The following MME variants were observed in gnomAD, a reference collection of about 807,000 sequenced individuals.
The protein encoded by MME is neprilysin.
Under a neutral mutation model 113.2 loss-of-function variants are expected in MME, and 98 were observed. That is an observed-to-expected ratio of 0.87 (90% CI 0.74 to 1.02). The LOEUF (loss-of-function observed/expected upper bound fraction) is 1.02, where lower values mean the gene tolerates loss of function less well. Ranked by LOEUF, MME falls within the 50% of genes least tolerant of loss-of-function variation. MME has a pLI of 0.00. For missense variants in MME, 836 were observed against 896.0 expected (o/e 0.93, Z 0.86); for synonymous variants, 292 against 300.6 (o/e 0.97, Z 0.30).
chr3:155,162,353 A>T (rs887995028), intron 17 of MME, among the ~76,000 whole-genome samples: 1 of 152,176 alleles, frequency 6.6e-6, no homozygotes, highest in Non-Finnish European at 1.5e-5. Context: ...TTTCATTTTG[A>T]GTATAATGTC....
Position 155,115,036 on chromosome 3 carries a change from G to C in MME, c.239G>C (p.Cys80Ser), listed in dbSNP as rs754813027. 2.5e-6 allele frequency: 4 copies of C among 1,613,946 alleles called. No homozygotes were observed. Among genetic ancestry groups the C allele is most frequent in the Non-Finnish European group, 3.4e-6 (4 of 1,180,008 alleles). The part of the protein sequence containing the change: ...IQNMDATTEP[C>S]TDFFKYACGG... ...AACATGGATGCCACCACTGAGCCTT[G>C]TACAGACTTTTTCAAATATGCTTGC... is the stretch of plus-strand genomic sequence containing the variant. The change falls in exon 4 of 23, where the codon TGT becomes TCT. Residue 80 changes from cysteine (C) to serine (S), a missense_variant. By Grantham distance (112) the Cys-to-Ser change is moderately radical. Coordinates refer to ENST00000360490, the MANE Select transcript of MME (RefSeq NM_007289.4).
intron 17 of MME, among the ~76,000 whole-genome samples, chr3:155,166,036 C>T (rs1723068925): frequency 6.6e-6 from 1 of 152,160 alleles, no homozygotes. Context: ...ATTCACTAAA[C>T]TCTGTAGGAC....
At chr3:155,034,962 A>G (rs1270284597) in intron 1 of MME, among the ~76,000 whole-genome samples, 1 of 152,200 alleles carries the variant, frequency 6.6e-6, no homozygotes, top group Non-Finnish European at 1.5e-5. Flanking sequence ...TCAGTGAGAA[A>G]GCCACAATGG....
chr3:155,150,171 T>C (rs1043526934), intron 16 of MME, among the ~76,000 whole-genome samples: 1 of 152,210 alleles, frequency 6.6e-6, no homozygotes, highest in Non-Finnish European at 1.5e-5. Flanking sequence ...ATTTCTGAAA[T>C]GGCCAAATTA....
At position 155,172,144 on chromosome 3, in the gene MME, G is replaced by C. The variant is rs1712035056; in HGVS notation, c.2008G>C (p.Gly670Arg). 2.5e-6 allele frequency: 4 copies of C among 1,608,828 alleles called. No homozygotes were observed. In the South Asian group the frequency reaches 3.3e-5, roughly 13 times the overall value. The change falls in exon 21 of 23, where the codon GGC (glycine) becomes CGC (arginine). Residue 670 changes from glycine (G) to arginine (R), a missense_variant. Physicochemically the swap from Gly to Arg is moderately radical, Grantham distance 125. Transcript: ENST00000360490. ...RAYQNYIKKNGEEKLLPGLDL... is the reference protein window; with the variant it reads ...RAYQNYIKKNREEKLLPGLDL... Reference sequence around the variant, plus strand: ...CTATCAGAATTATATTAAAAAGAATGGCGAAGAAAAATTACTTCCTGGACT... The same window carrying C: ...CTATCAGAATTATATTAAAAAGAATCGCGAAGAAAAATTACTTCCTGGACT...
chr3:155,157,004 T>G (rs991239745), intron 16 of MME, among the ~76,000 whole-genome samples: 1 of 152,036 alleles, frequency 6.6e-6, no homozygotes, highest in Admixed American at 6.6e-5. Context: ...TCTGCACACT[T>G]TCATCAGCAC....
At chr3:155,038,586 G>A (rs1032808262) in intron 1 of MME, among the ~76,000 whole-genome samples, 2 of 152,188 alleles carry the variant, frequency 1.3e-5, no homozygotes, top group African/African-American at 2.4e-5. Context: ...CACTCATGAT[G>A]TGGTTAATGT....
At chr3:155,113,400 C>T (rs1718346397) in intron 3 of MME, among the ~76,000 whole-genome samples, 1 of 152,208 alleles carries the variant, frequency 6.6e-6, no homozygotes, top group Admixed American at 6.5e-5. Context: ...CTGCTTTAGC[C>T]TCCTGAGTAG....
At chr3:155,085,003 T>C (rs572236471) in intron 2 of MME, 56 bp from the exon 3 acceptor site, 5 of 1,258,940 alleles carry the variant, frequency 4.0e-6, no homozygotes, top group Middle Eastern at 3.9e-4. Flanking sequence ...AAAAGAAAAA[T>C]AGAAATTTAA....
intron 1 of MME, among the ~76,000 whole-genome samples, chr3:155,082,123 T>C (rs1363461751): frequency 6.6e-6 from 1 of 152,160 alleles, no homozygotes; most frequent in East Asian, 1.9e-4. Context: ...GAAATGCTTA[T>C]CCACTAGCTT....
At chr3:155,138,063 G>T in intron 8 of MME, 39 bp from the exon 9 acceptor site, 1 of 1,609,228 alleles carries the variant, frequency 6.2e-7, no homozygotes, top group South Asian at 1.1e-5. Flanking sequence ...TGAATATTTA[G>T]AGCTACTCCA....
Position 155,100,281 on chromosome 3 carries a change from T to G in MME, c.197-14713T>G, listed in dbSNP as rs760774949. Reference sequence around the variant, plus strand: ...CTTCTCAAAAGAAGACATTTATGCATCCGACAGACACATGAAAAAATGCTC... The same window carrying G: ...CTTCTCAAAAGAAGACATTTATGCAGCCGACAGACACATGAAAAAATGCTC... On this transcript the variant is annotated intron_variant, in intron 3 of 22. Coordinates refer to ENST00000360490, the MANE Select transcript of MME (RefSeq NM_007289.4). Among the ~76,000 whole-genome samples the G allele has an allele frequency of 9.7e-4, 148 of 152,114 alleles. 1 individual carries two copies. Among genetic ancestry groups the G allele is most frequent in the Admixed American group, 1.5e-3 (23 of 15,276 alleles).
intron 8 of MME, among the ~76,000 whole-genome samples, chr3:155,132,118 T>C (rs1720190088): frequency 1.3e-5 from 2 of 152,168 alleles, no homozygotes; most frequent in Non-Finnish European, 2.9e-5. Flanking sequence ...CCCTGATCCA[T>C]AGGTAGTTGG....
rs201234060 is a variant in MME, at chr3:155,121,392, A to T, written c.720+2581A>T. On this transcript the variant is annotated intron_variant, in intron 8 of 22. Transcript: ENST00000360490. ...GACAATTTGACTTCCTCTTTTCCTA[A>T]TTGGATACCCTTTATTTCCTTCTCT... Among the ~76,000 whole-genome samples, 262 of 151,398 alleles carry T rather than the reference A, an allele frequency of 1.7e-3. 7 individuals are homozygous for T. The East Asian group carries it at 0.047, about 27-fold the overall frequency.
At chr3:155,097,760 A>G (rs1053066371) in intron 3 of MME, among the ~76,000 whole-genome samples, 3 of 152,204 alleles carry the variant, frequency 2.0e-5, no homozygotes, top group African/African-American at 7.2e-5. Context: ...GAAGTAACAA[A>G]CAAAAATCTC....
intron 17 of MME, among the ~76,000 whole-genome samples, chr3:155,165,005 G>A (rs1445265483): frequency 1.3e-5 from 2 of 152,100 alleles, no homozygotes; most frequent in Non-Finnish European, 1.5e-5. Context: ...GAAAGACAAA[G>A]AAATAACATG....
chr3:155,152,432 C>T (rs964614566), intron 16 of MME, among the ~76,000 whole-genome samples: 1 of 152,138 alleles, frequency 6.6e-6, no homozygotes, highest in Admixed American at 6.6e-5. Context: ...GTCACCAGAG[C>T]TTAAACACTA....
intron 8 of MME, among the ~76,000 whole-genome samples, chr3:155,137,867 AT>A (rs1411508509): frequency 3.3e-5 from 5 of 152,202 alleles, no homozygotes; most frequent in Non-Finnish European, 7.3e-5. Context: ...GTGGTTATAC[AT>A]TACTTAGTAC....
intron 22 of MME, among the ~76,000 whole-genome samples, chr3:155,179,477 C>T (rs187168596): frequency 6.2e-4 from 95 of 152,232 alleles, no homozygotes; most frequent in Admixed American, 3.5e-3. Flanking sequence ...AGTACACCTG[C>T]CACGTAGGGA....
Sources: gnomAD v4.1 joint callset for allele counts (sites outside exome capture counted in the v4.1 genomes callset) on GRCh38, gnomAD v4.1.1 for gene constraint, MANE v1.5 for transcripts, NCBI Gene and HGNC (gene_info 2026-07-23, HGNC 2026-07-21) for gene names.